The following SHISA6 variants were observed in gnomAD, a reference collection of about 807,000 sequenced individuals.
SHISA6 encodes the protein shisa family member 6.
Under a neutral mutation model 47.9 loss-of-function variants are expected in SHISA6, and 22 were observed. The observed-to-expected ratio is 0.46, with a 90% CI of 0.33 to 0.66. The LOEUF (loss-of-function observed/expected upper bound fraction) is 0.66. SHISA6 is among the 30% of genes least tolerant of loss of function. SHISA6 has a pLI of 0.02. For missense variants in SHISA6, 680 were observed against 764.6 expected, an observed-to-expected ratio of 0.89 and a Z score of 1.30; for synonymous variants, 388 against 337.8, an observed-to-expected ratio of 1.15 and a Z score of -1.63.
intron 2 of SHISA6, among the ~76,000 whole-genome samples, chr17:11,350,045 C>T (rs1358254849): frequency 2.0e-5 from 3 of 152,016 alleles, no homozygotes; most frequent in Middle Eastern, 3.4e-3. Flanking sequence ...CATAGAAAAC[C>T]ATGTTCTCCC....
chr17:11,494,724 T>A (rs2071394101), intron 3 of SHISA6, among the ~76,000 whole-genome samples: 1 of 152,138 alleles, frequency 6.6e-6, no homozygotes, highest in East Asian at 1.9e-4. Context: ...AAGGAAATTG[T>A]TGGAGGGACA....
chr17:11,446,324 GCA>G (rs759476609), intron 3 of SHISA6, among the ~76,000 whole-genome samples: 2 of 152,040 alleles, frequency 1.3e-5, no homozygotes, highest in African/African-American at 2.4e-5. Context: ...ATAGAACGAA[GCA>G]CACACACACC....
intron 2 of SHISA6, among the ~76,000 whole-genome samples, chr17:11,348,619 T>C (rs1480052224): frequency 6.6e-6 from 1 of 152,140 alleles, no homozygotes; most frequent in Non-Finnish European, 1.5e-5. Context: ...TTTATTCCTT[T>C]TATTCTATTG....
At chr17:11,271,565 G>C (rs1461513018) in intron 2 of SHISA6, among the ~76,000 whole-genome samples, 1 of 147,006 alleles carries the variant, frequency 6.8e-6, no homozygotes, top group African/African-American at 2.6e-5. Flanking sequence ...AGCCTCCCAA[G>C]TAGCTGGAAT....
At position 11,563,261 on chromosome 17, in the gene SHISA6, C is replaced by T. The variant is rs1407284138; in HGVS notation, c.*4957C>T. 1 of 152,204 alleles carries T rather than the reference C, an allele frequency of 6.6e-6. No individual in the cohort carries two copies. The highest frequency in any genetic ancestry group is 1.5e-5 in the Non-Finnish European group (1 of 68,044). The allele number at this position is 152,204 out of a possible 1,614,324, so 9.4% of individuals were successfully genotyped here. On this transcript the variant is annotated 3_prime_UTR_variant, in exon 6 of 6. Coordinates refer to ENST00000441885, the MANE Select transcript of SHISA6 (RefSeq NM_207386.4). ...GATAACCCACTCTGGAATATGTGTC[C>T]TGAAGACCAAGTCTGGACACTGAGG...
intron 2 of SHISA6, among the ~76,000 whole-genome samples, chr17:11,309,456 T>TAA (rs1910244413): frequency 6.6e-6 from 1 of 152,238 alleles, no homozygotes; most frequent in South Asian, 2.1e-4. Context: ...ACCAATCTGT[T>TAA]GTGTTTCTTC....
chr17:11,354,923 A>G (rs964574156), intron 2 of SHISA6, among the ~76,000 whole-genome samples: 4 of 152,242 alleles, frequency 2.6e-5, no homozygotes, highest in Non-Finnish European at 4.4e-5. Flanking sequence ...CCTAGCAGCC[A>G]CCTGTATTTG....
At chr17:11,291,493 G>A (rs911645258) in intron 2 of SHISA6, among the ~76,000 whole-genome samples, 3 of 151,992 alleles carry the variant, frequency 2.0e-5, no homozygotes, top group African/African-American at 7.3e-5. Context: ...AATTAGCCGG[G>A]CATGGTGGCG....
intron 3 of SHISA6, among the ~76,000 whole-genome samples, chr17:11,435,947 T>C (rs961830645): frequency 9.8e-5 from 15 of 152,360 alleles, no homozygotes; most frequent in African/African-American, 3.6e-4. Flanking sequence ...TGTAGTATTA[T>C]GACAAAACTA....
rs1180222299 is a variant in SHISA6 at position 11,536,015 on chromosome 17, T to TAG, written c.896-15880_896-15879insGA. Among the ~76,000 whole-genome samples the TAG allele has an allele frequency of 2.4e-4, 37 of 151,978 alleles. No homozygotes were observed. In the South Asian group the frequency reaches 4.6e-3, roughly 19 times the overall value. ...CTATATATACAGATAGATAGATAGA[T>TAG]ATATATAGAGAGAGAAAGTGAGACA... On this transcript the variant is annotated intron_variant, in intron 3 of 5. Coordinates refer to ENST00000441885, the MANE Select transcript of SHISA6 (RefSeq NM_207386.4).
intron 2 of SHISA6, among the ~76,000 whole-genome samples, chr17:11,333,075 A>G (rs986503761): frequency 2.6e-5 from 4 of 152,118 alleles, no homozygotes; most frequent in Non-Finnish European, 4.4e-5. Flanking sequence ...TATCACTGTG[A>G]CAAGAACACA....
intron 2 of SHISA6, among the ~76,000 whole-genome samples, chr17:11,371,814 G>T (rs545241331): frequency 5.9e-5 from 9 of 152,014 alleles, no homozygotes; most frequent in African/African-American, 2.2e-4. Flanking sequence ...AAAATAACAC[G>T]TTTAGAATAT....
intron 3 of SHISA6, among the ~76,000 whole-genome samples, chr17:11,443,984 A>G (rs746755573): frequency 3.9e-5 from 6 of 152,230 alleles, no homozygotes; most frequent in Non-Finnish European, 7.3e-5. Context: ...TATAAAATAA[A>G]GTCAGAGAAA....
At chr17:11,339,852 A>T (rs866071090) in intron 2 of SHISA6, among the ~76,000 whole-genome samples, 48 of 152,296 alleles carry the variant, frequency 3.2e-4, no homozygotes, top group African/African-American at 1.1e-3. Context: ...AAGGCTTCTG[A>T]GGGTGAAGGA....
intron 2 of SHISA6, among the ~76,000 whole-genome samples, chr17:11,325,567 G>A (rs6502140): frequency 2.0e-5 from 3 of 151,868 alleles, no homozygotes; most frequent in Non-Finnish European, 4.4e-5. Flanking sequence ...AAACAATAGG[G>A]GGAAAGAAAC....
At chr17:11,288,124 A>G (rs189811402) in intron 2 of SHISA6, 15 of 152,358 alleles carry the variant, frequency 9.8e-5, no homozygotes, top group Admixed American at 9.1e-4. Context: ...GAATCTGAAA[A>G]GAAAAGGATG....
chr17:11,563,001 AC>A lies in SHISA6; in HGVS notation c.*4699del, dbSNP rs1232502304. On this transcript the variant is annotated 3_prime_UTR_variant, in exon 6 of 6. Coordinates refer to ENST00000441885, the MANE Select transcript of SHISA6 (RefSeq NM_207386.4). ...AGCCCTCTTGTAAAGACACACCTAA[AC>A]CATCCTAAGTGACTGTGGAATTCTG... 1 of 150,932 alleles carries A rather than the reference AC, an allele frequency of 6.6e-6. No homozygotes were observed. The highest frequency in any genetic ancestry group is 1.5e-5 in the Non-Finnish European group (1 of 68,048). The allele number at this position is 150,932 out of a possible 1,614,324, so 9.3% of individuals were successfully genotyped here.
chr17:11,536,749 C>T (rs912961571), intron 3 of SHISA6, among the ~76,000 whole-genome samples: 2 of 152,138 alleles, frequency 1.3e-5, no homozygotes, highest in African/African-American at 4.8e-5. Flanking sequence ...CACCTGATTC[C>T]ACTCCCAAGC....
intron 2 of SHISA6, among the ~76,000 whole-genome samples, chr17:11,302,640 G>A (rs1450254276): frequency 6.6e-6 from 1 of 152,202 alleles, no homozygotes; most frequent in Non-Finnish European, 1.5e-5. Context: ...GAGTGCATTG[G>A]TGGCCTCTGG....
Sources: gnomAD v4.1 joint callset for allele counts (sites outside exome capture counted in the v4.1 genomes callset) on GRCh38, gnomAD v4.1.1 for gene constraint, MANE v1.5 for transcripts, NCBI Gene and HGNC (gene_info 2026-07-23, HGNC 2026-07-21) for gene names.